UNC13C: variants seen among roughly 807,000 people sequenced by gnomAD.
UNC13C encodes the protein protein unc-13 homolog C.
UNC13C carries 174 observed loss-of-function variants against 245.4 expected under a neutral mutation model. That is an observed-to-expected ratio of 0.71 (90% CI 0.63 to 0.80). The LOEUF is 0.80. Among genes scored for constraint, UNC13C ranks in the 30% least tolerant of loss-of-function variants. The pLI, the probability that UNC13C is intolerant of heterozygous loss-of-function variation, is 0.00. For missense variants in UNC13C, 2,829 were observed against 2,602.9 expected, an observed-to-expected ratio of 1.09 and a Z score of -1.89; for synonymous variants, 992 against 895.1, an observed-to-expected ratio of 1.11 and a Z score of -1.93.
At chr15:54,144,083 A>G (rs1044075159) in intron 4 of UNC13C, among the ~76,000 whole-genome samples, 1 of 152,192 alleles carries the variant, frequency 6.6e-6, no homozygotes, top group African/African-American at 2.4e-5. Flanking sequence ...AACTCAATGA[A>G]TATAATCTAT....
chr15:53,885,591 A>C, the UNC13C span, among the ~76,000 whole-genome samples: 1 of 152,122 alleles, frequency 6.6e-6, no homozygotes, highest in Non-Finnish European at 1.5e-5. Context: ...GGGTCTTTGG[A>C]TCTTTATTTC....
At chr15:54,543,660 T>A (rs117669817) in intron 26 of UNC13C, among the ~76,000 whole-genome samples, 2,665 of 152,228 alleles carry the variant, frequency 0.018, 28 homozygotes, top group Non-Finnish European at 0.027. Flanking sequence ...GAGAATACTA[T>A]AAACACCTGT....
Position 54,525,624 on chromosome 15 carries a change from A to C in UNC13C, c.5533A>C (p.Thr1845Pro), listed in dbSNP as rs757769844. 6.2e-7 allele frequency: 1 copy of C among 1,612,028 alleles called. No homozygotes were observed. The highest frequency in any genetic ancestry group is 1.3e-5 in the African/African-American group (1 of 74,892). ...LSGVLDELSV[T>P]YGESFQVIIE... ...TGGGGTCCTGGATGAGCTCAGCGTC[A>C]CTTATGGTGAAAGGTAAGTGGCCTC... Residue 1845 changes from threonine (T) to proline (P), a missense_variant, in exon 25 of 33, where the codon ACT becomes CCT. By Grantham distance (38) the Thr-to-Pro change is conservative. Transcript: ENST00000260323.
At chr15:54,264,022 A>G in intron 8 of UNC13C, 146 bp from the exon 9 acceptor site, 2 of 701,390 alleles carry the variant, frequency 2.9e-6, no homozygotes, top group Non-Finnish European at 4.8e-6. Context: ...ATAGCAGTTC[A>G]TTATGATATT....
At chr15:54,608,128 C>G (rs965702082) in intron 30 of UNC13C, among the ~76,000 whole-genome samples, 3 of 151,642 alleles carry the variant, frequency 2.0e-5, no homozygotes, top group African/African-American at 7.3e-5. Flanking sequence ...TATTCCAGGT[C>G]TTTTTCCAAA....
chr15:54,219,130 C>T (rs574723441), intron 4 of UNC13C, among the ~76,000 whole-genome samples: 15 of 151,118 alleles, frequency 9.9e-5, no homozygotes, highest in East Asian at 7.8e-4. Context: ...AAAAAGAGAC[C>T]GCATTGCCAA....
At chr15:54,213,839 T>C (rs2034958684) in intron 4 of UNC13C, among the ~76,000 whole-genome samples, 1 of 152,006 alleles carries the variant, frequency 6.6e-6, no homozygotes, top group Non-Finnish European at 1.5e-5. Flanking sequence ...TAACAGGTAG[T>C]ATTGCTGGAA....
chr15:53,842,181 A>G, the UNC13C span, among the ~76,000 whole-genome samples: 1 of 152,188 alleles, frequency 6.6e-6, no homozygotes, highest in Non-Finnish European at 1.5e-5. Context: ...TGAAAAGAGT[A>G]TTAGTCTTAA....
chr15:54,292,799 C>A (rs1408427207), intron 10 of UNC13C, among the ~76,000 whole-genome samples: 2 of 150,692 alleles, frequency 1.3e-5, no homozygotes, highest in Non-Finnish European at 3.0e-5. Context: ...AAAAATGCTG[C>A]TGTGGTTTGT....
At chr15:54,523,554 C>A (rs1167092398) in intron 24 of UNC13C, among the ~76,000 whole-genome samples, 1 of 152,148 alleles carries the variant, frequency 6.6e-6, no homozygotes. Context: ...AATATCTATT[C>A]ACCAAATACC....
chr15:54,499,938 T>C, intron 20 of UNC13C, 141 bp from the exon 21 acceptor site: 1 of 638,938 alleles, frequency 1.6e-6, no homozygotes, highest in Non-Finnish European at 2.6e-6. Flanking sequence ...GGTAAAGGTC[T>C]CTGAGGAAGC....
chr15:54,138,472 TCAAA>T (rs1414866939), intron 2 of UNC13C, among the ~76,000 whole-genome samples: 1 of 152,054 alleles, frequency 6.6e-6, no homozygotes, highest in Non-Finnish European at 1.5e-5. Context: ...TGAAGTAACC[TCAAA>T]CATGAGGTTA....
chr15:54,577,439 A>T (rs1302130916), intron 30 of UNC13C, among the ~76,000 whole-genome samples: 1 of 152,062 alleles, frequency 6.6e-6, no homozygotes, highest in African/African-American at 2.4e-5. Context: ...CTCCTAATCT[A>T]CTTTCCCCCA....
At chr15:53,839,959 TC>T in the UNC13C span, among the ~76,000 whole-genome samples, 1 of 152,136 alleles carries the variant, frequency 6.6e-6, no homozygotes, top group Non-Finnish European at 1.5e-5. Context: ...TTTTATTCTA[TC>T]CTGTTTTTTA....
chr15:53,872,951 T>G, the UNC13C span, among the ~76,000 whole-genome samples: 1 of 152,186 alleles, frequency 6.6e-6, no homozygotes, highest in South Asian at 2.1e-4. Context: ...TTCAGATTTT[T>G]GGTTGCTGTA....
intron 2 of UNC13C, among the ~76,000 whole-genome samples, chr15:54,052,004 A>C (rs1161114760): frequency 7.8e-6 from 1 of 128,028 alleles, no homozygotes; most frequent in African/African-American, 3.0e-5. Flanking sequence ...GAGTGAGAAT[A>C]TGCGGTGTTT....
chr15:54,557,556 C>A (rs1406469553), intron 29 of UNC13C, among the ~76,000 whole-genome samples: 1 of 151,624 alleles, frequency 6.6e-6, no homozygotes. Flanking sequence ...ACTCCAAGAA[C>A]TAAAGATTCA....
intron 4 of UNC13C, among the ~76,000 whole-genome samples, chr15:54,203,402 T>C (rs891144502): frequency 4.0e-5 from 6 of 150,602 alleles, no homozygotes; most frequent in Admixed American, 2.7e-4. Context: ...CAATTTGCAA[T>C]TGCAAAAATA....
the UNC13C span, among the ~76,000 whole-genome samples, chr15:53,898,206 C>CCACCACCAT: frequency 2.0e-5 from 3 of 150,880 alleles, no homozygotes; most frequent in African/African-American, 4.9e-5. Context: ...ACCACCACCA[C>CCACCACCAT]CATCATCATC....
Sources: allele counts gnomAD v4.1 joint callset (sites outside exome capture counted in the v4.1 genomes callset), GRCh38; gene constraint gnomAD v4.1.1; transcripts MANE v1.5; gene names NCBI Gene and HGNC (gene_info 2026-07-23, HGNC 2026-07-21).